Variants in MEF2C observed in about 807,000 individuals in gnomAD.
MEF2C encodes the protein myocyte-specific enhancer factor 2C.
MEF2C carries 6 observed loss-of-function variants against 50.5 expected under a neutral mutation model. That is an observed-to-expected ratio of 0.12 (90% CI 0.07 to 0.23). The LOEUF is 0.23. Among genes scored for constraint, MEF2C ranks in the 10% least tolerant of loss-of-function variants. The pLI is 1.00. For missense variants in MEF2C, 276 were observed against 605.0 expected (o/e 0.46, Z 5.70); for synonymous variants, 183 against 228.0 (o/e 0.80, Z 1.78).
At chr5:88,881,861 C>T (rs1333204007) in intron 1 of MEF2C, among the ~76,000 whole-genome samples, 2 of 152,024 alleles carry the variant, frequency 1.3e-5, no homozygotes, top group Non-Finnish European at 2.9e-5. Flanking sequence ...TAGTAAAACG[C>T]ACTTTGTGTC....
Position 88,722,462 on chromosome 5 carries a change from G to C in MEF2C, c.*142C>G. On this transcript the variant is annotated 3_prime_UTR_variant, in exon 11 of 11. Coordinates refer to ENST00000504921, the MANE Select transcript of MEF2C (RefSeq NM_002397.5). ...ACTGTATCACTGAGGCAATTTAAAA[G>C]TACTTTTACAAAACAGAGTACCTGA... The C allele has an allele frequency of 1.4e-6, 1 of 693,798 alleles. No individual in the cohort carries two copies. Among genetic ancestry groups the C allele is most frequent in the Non-Finnish European group, 2.4e-6 (1 of 414,558 alleles). 43.0% of individuals were successfully genotyped at this position (693,798 alleles called of 1,614,324 possible).
rs1756227192 is a variant in MEF2C at position 88,721,195 on chromosome 5, C to T, written c.*1409G>A. On this transcript the variant is annotated 3_prime_UTR_variant, in exon 11 of 11. Coordinates refer to ENST00000504921, the MANE Select transcript of MEF2C (RefSeq NM_002397.5). ...TCTAAAAAGCGTATCAAATTCTAGG[C>T]TGAAAACCAACCAGATGATTTAGAA... is the stretch of plus-strand genomic sequence containing the variant. The T allele has an allele frequency of 6.6e-6, 1 of 152,538 alleles. No individual in the cohort carries two copies. Among genetic ancestry groups the T allele is most frequent in the Non-Finnish European group, 1.5e-5 (1 of 68,010 alleles). The allele number at this position is 152,538 out of a possible 1,614,324, so 9.4% of individuals were successfully genotyped here.
chr5:88,804,563 C>T (rs773372994), intron 3 of MEF2C, 35 bp downstream of exon 3: 11 of 1,604,972 alleles, frequency 6.9e-6, no homozygotes, highest in East Asian at 4.5e-5. Flanking sequence ...CCCCTGCTTG[C>T]GGAGGCTTGG....
intron 4 of MEF2C, among the ~76,000 whole-genome samples, chr5:88,754,344 A>T (rs934581785): frequency 6.6e-6 from 1 of 152,186 alleles, no homozygotes; most frequent in African/African-American, 2.4e-5. Flanking sequence ...ACTCTTTCAG[A>T]TCTAGAGATA....
intron 1 of MEF2C, chr5:88,825,458 C>T: frequency 8.2e-6 from 8 of 975,054 alleles, no homozygotes; most frequent in Non-Finnish European, 9.7e-6. Flanking sequence ...CCACACAGTG[C>T]TCATCAAAAA....
intron 1 of MEF2C, chr5:88,889,628 T>C (rs1353695828): frequency 6.6e-6 from 1 of 151,474 alleles, no homozygotes; most frequent in Non-Finnish European, 1.5e-5. Flanking sequence ...TGCCGACTTG[T>C]ATTTAGTTGG....
At chr5:88,786,730 C>T (rs572918513) in intron 3 of MEF2C, among the ~76,000 whole-genome samples, 2 of 152,232 alleles carry the variant, frequency 1.3e-5, no homozygotes, top group African/African-American at 4.8e-5. Flanking sequence ...CATTTAATGT[C>T]CATATATCAC....
At chr5:88,773,539 A>G (rs1783374291) in intron 3 of MEF2C, among the ~76,000 whole-genome samples, 1 of 152,180 alleles carries the variant, frequency 6.6e-6, no homozygotes, top group Admixed American at 6.5e-5. Flanking sequence ...CATTTTCTAG[A>G]TTATAAGATT....
rs535500191 is a variant in MEF2C, at chr5:88,746,721, A to G, written c.637+2349T>C. On this transcript the variant is annotated intron_variant, in intron 6 of 10. Transcript: ENST00000504921. ...AGCACGGATATATTCAGCCTGACAT[A>G]TGATACTGGTTGGCATGAGAAAGAA... 9.1e-6 allele frequency: 9 copies of G among 984,092 alleles called. No homozygotes were observed. In the East Asian group the frequency reaches 1.0e-3, roughly 112 times the overall value. The allele number at this position is 984,092 out of a possible 1,614,324, so 61.0% of individuals were successfully genotyped here. A position where few individuals can be genotyped will look rare whatever the true frequency, so the allele number is the denominator to read the frequency against.
At chr5:88,801,508 T>C (rs76454236) in intron 3 of MEF2C, among the ~76,000 whole-genome samples, 24 of 152,044 alleles carry the variant, frequency 1.6e-4, no homozygotes, top group African/African-American at 5.8e-4. Flanking sequence ...TTTTTTTTTT[T>C]TTGAGACGGA....
intron 6 of MEF2C, chr5:88,741,613 A>C: frequency 1.0e-6 from 1 of 981,982 alleles, no homozygotes; most frequent in South Asian, 4.7e-5. Flanking sequence ...ATAATGTTTG[A>C]ATATGTAAAC....
intron 4 of MEF2C, among the ~76,000 whole-genome samples, chr5:88,759,308 T>C (rs1776799141): frequency 6.6e-6 from 1 of 152,012 alleles, no homozygotes; most frequent in African/African-American, 2.4e-5. Flanking sequence ...CATGGAGAAA[T>C]TCCATCTCTA....
intron 2 of MEF2C, among the ~76,000 whole-genome samples, chr5:88,823,301 A>G (rs1216911664): frequency 6.6e-6 from 1 of 151,998 alleles, no homozygotes; most frequent in Admixed American, 6.6e-5. Flanking sequence ...ATTTACTATG[A>G]ATAAAATGAA....
chr5:88,865,309 C>T (rs1299380589), intron 1 of MEF2C, among the ~76,000 whole-genome samples: 1 of 152,148 alleles, frequency 6.6e-6, no homozygotes, highest in Non-Finnish European at 1.5e-5. Context: ...TGTCACTTGG[C>T]ATATACCAAA....
intron 1 of MEF2C, among the ~76,000 whole-genome samples, chr5:88,879,993 T>C (rs1317906544): frequency 6.6e-6 from 1 of 152,052 alleles, no homozygotes; most frequent in African/African-American, 2.4e-5. Flanking sequence ...TCTGGTTTGA[T>C]TTCCTAAAGG....
chr5:88,863,235 G>T (rs1297454202), intron 1 of MEF2C, among the ~76,000 whole-genome samples: 1 of 152,126 alleles, frequency 6.6e-6, no homozygotes, highest in African/African-American at 2.4e-5. Flanking sequence ...ATTTATAATT[G>T]CACTTTGCAT....
At chr5:88,741,955 G>T (rs951290755) in intron 6 of MEF2C, 1 of 984,484 alleles carries the variant, frequency 1.0e-6, no homozygotes, top group Non-Finnish European at 1.2e-6. Flanking sequence ...GTTTAACATA[G>T]CTAATGATCT....
At chr5:88,806,728 CAAAT>C (rs1473580805) in intron 2 of MEF2C, among the ~76,000 whole-genome samples, 1 of 149,800 alleles carries the variant, frequency 6.7e-6, no homozygotes, top group Non-Finnish European at 1.5e-5. Context: ...AAAAATATAC[CAAAT>C]ATATACAAAA....
chr5:88,734,766 CT>C, intron 6 of MEF2C: 1 of 981,434 alleles, frequency 1.0e-6, no homozygotes, highest in Non-Finnish European at 1.2e-6. Flanking sequence ...TTTTAAAAGC[CT>C]TCTATTTTTC....
Sources: allele counts gnomAD v4.1 joint callset (sites outside exome capture counted in the v4.1 genomes callset), GRCh38; gene constraint gnomAD v4.1.1; transcripts MANE v1.5; gene names NCBI Gene and HGNC (gene_info 2026-07-23, HGNC 2026-07-21).